CFTR: variants seen among roughly 807,000 people sequenced by gnomAD.
The protein encoded by CFTR is cystic fibrosis transmembrane conductance regulator.
CFTR carries 181 observed loss-of-function variants against 171.6 expected under a neutral mutation model. The ratio of observed to expected loss-of-function variants is 1.05; its 90% CI spans 0.93 to 1.19. CFTR has a LOEUF of 1.19. Ranked by LOEUF, CFTR falls within the 50% of genes most tolerant of loss-of-function variation. CFTR has a pLI of 0.00. For synonymous variants in CFTR, 583 were observed against 608.0 expected (o/e 0.96, Z 0.60); for missense variants, 1,968 against 1,734.7 (o/e 1.13, Z -2.39).
At chr7:117,521,312 T>G (rs1382134634) in intron 3 of CFTR, among the ~76,000 whole-genome samples, 3 of 152,014 alleles carry the variant, frequency 2.0e-5, no homozygotes, top group African/African-American at 7.2e-5. Context: ...TGAGTTGTAT[T>G]AGCTAGAAGT....
At chr7:117,581,408 T>C (rs2116000394) in intron 11 of CFTR, among the ~76,000 whole-genome samples, 1 of 152,234 alleles carries the variant, frequency 6.6e-6, no homozygotes, top group Non-Finnish European at 1.5e-5. Context: ...AATGGTAGAA[T>C]GGGGCATATT....
intron 23 of CFTR, among the ~76,000 whole-genome samples, chr7:117,644,684 G>A (rs778674355): frequency 2.6e-5 from 4 of 152,142 alleles, no homozygotes; most frequent in Non-Finnish European, 5.9e-5. Context: ...ATTAGTTTTG[G>A]CAGGTCCTTG....
chr7:117,661,277 A>T (rs1340335417), intron 24 of CFTR, among the ~76,000 whole-genome samples: 1 of 152,228 alleles, frequency 6.6e-6, no homozygotes, highest in Non-Finnish European at 1.5e-5. Context: ...TGAGATAGGA[A>T]TATTGCAAAA....
chr7:117,606,852 T>C lies in CFTR; in HGVS notation c.2988+99T>C, dbSNP rs148764664. On this transcript the variant is annotated intron_variant, in intron 18 of 26. Transcript: ENST00000003084. ...TTTTCATTTTTTATTTGATTGAGGGTTGAAGTCCTGTCTATTGCATTAATT... is the reference window on the plus strand; with the variant it reads ...TTTTCATTTTTTATTTGATTGAGGGCTGAAGTCCTGTCTATTGCATTAATT... The C allele has an allele frequency of 5.0e-5, 40 of 799,000 alleles. 1 individual carries two copies. The highest frequency in any genetic ancestry group is 4.2e-4 in the African/African-American group (25 of 59,248). 49.5% of individuals were successfully genotyped at this position (799,000 alleles called of 1,614,324 possible). A position where few individuals can be genotyped will look rare whatever the true frequency, so the allele number is the denominator to read the frequency against.
Position 117,501,160 on chromosome 7 carries a change from A to G in CFTR, c.54-3093A>G, listed in dbSNP as rs541691008. Among the ~76,000 whole-genome samples, 12 of 152,330 alleles carry G rather than the reference A, an allele frequency of 7.9e-5. No individual in the cohort carries two copies. In the East Asian group the frequency reaches 2.3e-3, roughly 29 times the overall value. On this transcript the variant is annotated intron_variant, in intron 1 of 26. Transcript: ENST00000003084. ...TGTAAATATAGTGTCATATTTTAAT[A>G]ATTTCAAACATATTGAAAATGCAGA...
Position 117,520,481 on chromosome 7 carries a change from G to T in CFTR, c.274-10418G>T, listed in dbSNP as rs564773392. Reference sequence around the variant, plus strand: ...AGAATTCATTGTGATGCATGTATGAGGTAGAAATCTAATTTCAAAAAGATG... The same window carrying T: ...AGAATTCATTGTGATGCATGTATGATGTAGAAATCTAATTTCAAAAAGATG... On this transcript the variant is annotated intron_variant, in intron 3 of 26. Coordinates refer to ENST00000003084, the MANE Select transcript of CFTR (RefSeq NM_000492.4). 4.6e-5 allele frequency among the ~76,000 whole-genome samples: 7 copies of T among 151,480 alleles called. No individual in the cohort carries two copies. In the South Asian group the frequency reaches 1.5e-3, roughly 32 times the overall value.
intron 3 of CFTR, among the ~76,000 whole-genome samples, chr7:117,520,847 A>G (rs1798674242): frequency 1.3e-5 from 2 of 151,986 alleles, no homozygotes; most frequent in South Asian, 4.1e-4. Flanking sequence ...TGTTGCAAAA[A>G]TTGAGACTGA....
chr7:117,564,279 C>T (rs1177798496), intron 11 of CFTR, among the ~76,000 whole-genome samples: 2 of 152,156 alleles, frequency 1.3e-5, no homozygotes, highest in African/African-American at 4.8e-5. Flanking sequence ...CTGGGAGTAA[C>T]AGACAAAAGT....
intron 21 of CFTR, 54 bp from the exon 22 acceptor site, chr7:117,627,468 T>A (rs1792668236): frequency 3.1e-6 from 5 of 1,592,180 alleles, no homozygotes; most frequent in Non-Finnish European, 4.3e-6. Flanking sequence ...ATCAAACTAA[T>A]TGTGAAATTG....
At chr7:117,642,361 G>A (rs1022235750) in intron 22 of CFTR, 77 bp from the exon 23 acceptor site, 3 of 1,336,460 alleles carry the variant, frequency 2.2e-6, no homozygotes, top group African/African-American at 2.9e-5. Flanking sequence ...GGTTTTTATT[G>A]AAGTACAATA....
chr7:117,586,252 C>T lies in CFTR; in HGVS notation c.1585-1487C>T, dbSNP rs145507680. 5.3e-5 allele frequency: 8 copies of T among 152,206 alleles called. No homozygotes were observed. The East Asian group carries it at 1.5e-3, about 29-fold the overall frequency. The allele number at this position is 152,206 out of a possible 1,614,324, so 9.4% of individuals were successfully genotyped here. ...TAGGCCAGGTAGAAAGAAATAAAGA[C>T]CTATGTTTTACATGTCTCATAACCA... On this transcript the variant is annotated intron_variant, in intron 11 of 26. Transcript: ENST00000003084.
intron 2 of CFTR, among the ~76,000 whole-genome samples, chr7:117,505,677 T>G (rs1454556404): frequency 6.6e-6 from 1 of 152,192 alleles, no homozygotes. Context: ...AGGCTGAGTC[T>G]CGTGCCAACA....
At chr7:117,573,036 T>TTTTCTC (rs2115978070) in intron 11 of CFTR, among the ~76,000 whole-genome samples, 1 of 144,338 alleles carries the variant, frequency 6.9e-6, no homozygotes, top group African/African-American at 2.5e-5. Flanking sequence ...ACTCCACCCT[T>TTTTCTC]TCTCTCTCTC....
At chr7:117,558,553 C>CTAAA (rs10655920) in intron 10 of CFTR, among the ~76,000 whole-genome samples, 21,942 of 145,138 alleles carry the variant, frequency 0.15, 1,925 homozygotes, top group East Asian at 0.36. Flanking sequence ...GACTCTGTCT[C>CTAAA]TAAATAAATA....
rs750043559 is a variant in CFTR, at chr7:117,565,219, T to C, written c.1584+5564T>C. On this transcript the variant is annotated intron_variant, in intron 11 of 26. Coordinates refer to ENST00000003084, the MANE Select transcript of CFTR (RefSeq NM_000492.4). ...CTATTGTAAACAGCACTGGAGACTT[T>C]GCTAGTTTAAAAGGAGAAATCAACG... Among the ~76,000 whole-genome samples, 80 of 152,356 alleles carry C rather than the reference T, an allele frequency of 5.3e-4. No individual in the cohort carries two copies. The Middle Eastern group carries it at 0.014, about 26-fold the overall frequency.
chr7:117,611,310 T>C (rs534400485), intron 19 of CFTR, among the ~76,000 whole-genome samples: 26 of 152,222 alleles, frequency 1.7e-4, no homozygotes, highest in South Asian at 6.2e-4. Flanking sequence ...GCCAGAAAAC[T>C]CCCAGTGGTA....
chr7:117,533,906 T>C (rs1180901532), intron 4 of CFTR, among the ~76,000 whole-genome samples: 1 of 152,126 alleles, frequency 6.6e-6, no homozygotes, highest in Non-Finnish European at 1.5e-5. Flanking sequence ...ACATGAAAAA[T>C]TCAAGGCCAA....
In CFTR at chr7:117,592,645, A is replaced by C. The variant is rs776854526; in HGVS notation, c.2478A>C (p.Glu826Asp). The change falls in exon 14 of 27, where the codon GAA becomes GAC. Residue 826 changes from glutamate (E) to aspartate (D), a missense_variant. Coordinates refer to ENST00000003084, the MANE Select transcript of CFTR (RefSeq NM_000492.4). ...TGGAAATAAGTGAAGAAATTAACGAAGAAGACTTAAAGGTAGGTATACATC... is the reference window on the plus strand; with the variant it reads ...TGGAAATAAGTGAAGAAATTAACGACGAAGACTTAAAGGTAGGTATACATC... ...TGLEISEEIN[E>D]EDLKECFFDD... is the part of the protein sequence containing the mutation. 1.3e-6 allele frequency: 2 copies of C among 1,544,060 alleles called. No homozygotes were observed. The highest frequency in any genetic ancestry group is 1.3e-5 in the South Asian group (1 of 75,644).
At chr7:117,596,291 C>T (rs902380732) in intron 15 of CFTR, among the ~76,000 whole-genome samples, 1 of 152,240 alleles carries the variant, frequency 6.6e-6, no homozygotes, top group Non-Finnish European at 1.5e-5. Flanking sequence ...AGCACCTGGG[C>T]CAGCAGCTGC....
Sources: allele counts gnomAD v4.1 joint callset (sites outside exome capture counted in the v4.1 genomes callset), GRCh38; gene constraint gnomAD v4.1.1; transcripts MANE v1.5; gene names NCBI Gene and HGNC (gene_info 2026-07-23, HGNC 2026-07-21).